Variants in SARDH observed in about 807,000 individuals in gnomAD.
The protein encoded by SARDH is sarcosine dehydrogenase, mitochondrial.
SARDH carries 95 observed loss-of-function variants against 109.1 expected under a neutral mutation model. The observed-to-expected ratio is 0.87, with a 90% confidence interval of 0.74 to 1.03. The LOEUF (loss-of-function observed/expected upper bound fraction) is 1.03. SARDH is among the 50% of genes least tolerant of loss of function. The pLI is 0.00. For missense variants in SARDH, 1,267 were observed against 1,287.8 expected (o/e 0.98, Z 0.25); for synonymous variants, 572 against 534.8 (o/e 1.07, Z -0.96).
At chr9:133,737,943 C>A (rs921596812) in intron 1 of SARDH, among the ~76,000 whole-genome samples, 1 of 152,236 alleles carries the variant, frequency 6.6e-6, no homozygotes, top group Admixed American at 6.5e-5. Flanking sequence ...CCTCGAGCAA[C>A]AACTTAACCT....
chr9:133,700,292 C>T lies in SARDH; in HGVS notation c.1668+2624G>A, dbSNP rs199673195. Among the ~76,000 whole-genome samples the T allele has an allele frequency of 6.6e-5, 10 of 152,140 alleles. No individual in the cohort carries two copies. In the East Asian group the frequency reaches 1.7e-3, roughly 26 times the overall value. ...CAGTGAGCCGAATTGCACCCCTGCACTCCAGCCTGGGGCAACAGAGCAAGA... is the reference window on the plus strand; with the variant it reads ...CAGTGAGCCGAATTGCACCCCTGCATTCCAGCCTGGGGCAACAGAGCAAGA... On this transcript the variant is annotated intron_variant, in intron 13 of 20. Transcript: ENST00000439388.
At position 133,717,218 on chromosome 9, in the gene SARDH, C is replaced by A. The variant is rs1445055684; in HGVS notation, c.1150+108G>T. 2.2e-5 allele frequency: 31 copies of A among 1,418,632 alleles called. No homozygotes were observed. In the Admixed American group the frequency reaches 5.7e-4, roughly 26 times the overall value. 87.9% of individuals were successfully genotyped at this position (1,418,632 alleles called of 1,614,324 possible). A position where few individuals can be genotyped will look rare whatever the true frequency, so the allele number is the denominator to read the frequency against. ...AGCAGCGAGAGGGACCGGGGACAGC[C>A]CTGGGTCCCCTGTGTGACACAGGCT... On this transcript the variant is annotated intron_variant, in intron 8 of 20. Transcript: ENST00000439388.
Position 133,676,857 on chromosome 9 carries a change from G to A in SARDH, c.2164-5160C>T, listed in dbSNP as rs1272022593. On this transcript the variant is annotated intron_variant, in intron 17 of 20. Coordinates refer to ENST00000439388, the MANE Select transcript of SARDH (RefSeq NM_001134707.2). ...TCCCTGCATGGAAATCACAGAAAGA[G>A]TCCGGGCGCAGTGGCTCACGCCTGC... Among the ~76,000 whole-genome samples, 3 of 152,236 alleles carry A rather than the reference G, an allele frequency of 2.0e-5. No homozygotes were observed. The East Asian group carries it at 5.8e-4, about 29-fold the overall frequency.
In SARDH at chr9:133,670,498, G is replaced by A. The variant is rs1318327441; in HGVS notation, c.2495+86C>T. On this transcript the variant is annotated intron_variant, in intron 19 of 20. Coordinates refer to ENST00000439388, the MANE Select transcript of SARDH (RefSeq NM_001134707.2). ...CACATGGGAAGTGTTGGTACCAGGGGCTTTGAGTGGGGGACCAAGAAGCGC... is the reference window on the plus strand; with the variant it reads ...CACATGGGAAGTGTTGGTACCAGGGACTTTGAGTGGGGGACCAAGAAGCGC... 22 of 1,406,688 alleles carry A rather than the reference G, an allele frequency of 1.6e-5. No homozygotes were observed. In the Admixed American group the frequency reaches 2.2e-4, roughly 14 times the overall value. 87.1% of individuals were successfully genotyped at this position (1,406,688 alleles called of 1,614,324 possible).
rs528524430 is a variant in SARDH at position 133,714,011 on chromosome 9, G to A, written c.1151-887C>T. 2.0e-5 allele frequency among the ~76,000 whole-genome samples: 3 copies of A among 152,310 alleles called. No individual in the cohort carries two copies. The South Asian group carries it at 6.2e-4, about 32-fold the overall frequency. ...ACAGACGGTCTCGTAAAGAAAATAC[G>A]ATGAACTGAGGGCCACGCGTCACTG... On this transcript the variant is annotated intron_variant, in intron 8 of 20. Coordinates refer to ENST00000439388, the MANE Select transcript of SARDH (RefSeq NM_001134707.2).
At chr9:133,734,743 C>CA (rs1390534373) in intron 1 of SARDH, among the ~76,000 whole-genome samples, 1 of 152,138 alleles carries the variant, frequency 6.6e-6, no homozygotes. Context: ...GACAGAGGAC[C>CA]AATAGCTGGA....
chr9:133,704,615 C>T lies in SARDH; in HGVS notation c.1554+333G>A, dbSNP rs1237569542. Among the ~76,000 whole-genome samples, 2 of 152,208 alleles carry T rather than the reference C, an allele frequency of 1.3e-5. No individual in the cohort carries two copies. The highest frequency in any genetic ancestry group is 4.8e-5 in the African/African-American group (2 of 41,452). On this transcript the variant is annotated intron_variant, in intron 12 of 20. Transcript: ENST00000439388. The surrounding 1 kb of genome is among the most constrained non-coding windows in gnomAD (Gnocchi z 4.5). The stretch of plus-strand genomic sequence containing the variant: ...AGGAGACGCTCCATTCCTCCTGCAA[C>T]CTGGGGGAGTCTTCTTGCTGTCTCC...
At chr9:133,698,429 T>G (rs903266341) in intron 13 of SARDH, among the ~76,000 whole-genome samples, 2 of 152,170 alleles carry the variant, frequency 1.3e-5, no homozygotes, top group South Asian at 4.1e-4. Flanking sequence ...ATCCTAAAAT[T>G]CATATGGAGA....
chr9:133,730,134 C>T lies in SARDH; in HGVS notation c.744G>A (p.Gly248=), dbSNP rs1351385567. The change falls in exon 5 of 21, where the codon GGG becomes GGA. Residue 248 remains glycine (G), a synonymous_variant. Coordinates refer to ENST00000439388, the MANE Select transcript of SARDH (RefSeq NM_001134707.2). ...TCTCCACACCCGCGACCCGCCGCACCCCAAAATCATCCGTCCACACACGAA... is the reference window on the plus strand; with the variant it reads ...TCTCCACACCCGCGACCCGCCGCACTCCAAAATCATCCGTCCACACACGAA... The part of the protein sequence containing the change: ...TGIRVWTDDF[G]VRRVAGVETQ... The T allele has an allele frequency of 1.9e-6, 3 of 1,614,228 alleles. No individual in the cohort carries two copies. The South Asian group carries it at 3.3e-5, about 18-fold the overall frequency.
intron 6 of SARDH, among the ~76,000 whole-genome samples, chr9:133,721,145 G>GA (rs1483244621): frequency 9.9e-5 from 15 of 152,144 alleles, no homozygotes; most frequent in Non-Finnish European, 2.1e-4. Context: ...TCCTCCGATT[G>GA]AAAATCACGC....
intron 13 of SARDH, among the ~76,000 whole-genome samples, chr9:133,699,769 G>C (rs926344380): frequency 6.6e-6 from 1 of 152,178 alleles, no homozygotes; most frequent in African/African-American, 2.4e-5. Flanking sequence ...CTCGCACTGT[G>C]GTGGGGAATG....
At chr9:133,689,990 C>T (rs747016196) in intron 16 of SARDH, among the ~76,000 whole-genome samples, 1 of 152,144 alleles carries the variant, frequency 6.6e-6, no homozygotes, top group African/African-American at 2.4e-5. Flanking sequence ...AGGGACCCCT[C>T]GGTATAGGAT....
intron 8 of SARDH, 134 bp downstream of exon 8, chr9:133,717,192 A>C: frequency 9.0e-7 from 1 of 1,112,940 alleles, no homozygotes; most frequent in Non-Finnish European, 1.3e-6. Context: ...TGCTGGAGCC[A>C]AGCAGCGAGA....
chr9:133,676,356 G>C (rs1448134896), intron 17 of SARDH, among the ~76,000 whole-genome samples: 1 of 152,196 alleles, frequency 6.6e-6, no homozygotes. Context: ...CAGGGGCTGG[G>C]GAGAGGGAAA....
chr9:133,732,975 G>A (rs570891117), intron 2 of SARDH, among the ~76,000 whole-genome samples: 67 of 152,318 alleles, frequency 4.4e-4, no homozygotes, highest in African/African-American at 1.5e-3. Context: ...GGTGAGTGGA[G>A]GGGGCGCCGA....
At chr9:133,680,464 GGGCCACCTGGGAGCGCGTGGCCCT>G (rs1830659817) in intron 17 of SARDH, among the ~76,000 whole-genome samples, 1 of 152,240 alleles carries the variant, frequency 6.6e-6, no homozygotes, top group African/African-American at 2.4e-5. Flanking sequence ...TCCCAGGCTG[GGGCCACCTGGGAGCGCGTGGCCCT>G]GGCCACTTTG....
At chr9:133,688,019 G>A (rs542488735) in intron 16 of SARDH, among the ~76,000 whole-genome samples, 8 of 152,082 alleles carry the variant, frequency 5.3e-5, no homozygotes, top group East Asian at 1.9e-4. Flanking sequence ...CACCTTGATC[G>A]GTCCATCTGC....
At position 133,728,278 on chromosome 9, in the gene SARDH, C is replaced by G. The variant is rs1444770509; in HGVS notation, c.915+1487G>C. On this transcript the variant is annotated intron_variant, in intron 6 of 20. Transcript: ENST00000439388. This position sits in a 1 kb window ranked among gnomAD's most constrained non-coding sequence, Gnocchi z 5.0. ...TCGCCACCCGCTTCACTACCCTGGT[C>G]TACGAAGCAGCCAAGCCTGGTACCT... Among the ~76,000 whole-genome samples the G allele has an allele frequency of 6.6e-6, 1 of 152,166 alleles. No individual in the cohort carries two copies. Among genetic ancestry groups the G allele is most frequent in the Non-Finnish European group, 1.5e-5 (1 of 68,012 alleles).
In SARDH at chr9:133,719,146, C is replaced by T. The variant is rs141888950; in HGVS notation, c.916-104G>A. On this transcript the variant is annotated intron_variant, in intron 6 of 20. Coordinates refer to ENST00000439388, the MANE Select transcript of SARDH (RefSeq NM_001134707.2). Reference sequence around the variant, plus strand: ...GCACCTCCACCCAGGGTCACGGGCTCGAGATGGTCCTTCTCGTTGTAGGAC... The same window carrying T: ...GCACCTCCACCCAGGGTCACGGGCTTGAGATGGTCCTTCTCGTTGTAGGAC... 2,424 of 883,986 alleles carry T rather than the reference C, an allele frequency of 2.7e-3. 37 individuals are homozygous for T. The African/African-American group carries it at 0.032, about 12-fold the overall frequency. 54.8% of individuals were successfully genotyped at this position (883,986 alleles called of 1,614,324 possible). A position where few individuals can be genotyped will look rare whatever the true frequency, so the allele number is the denominator to read the frequency against.
Sources: gnomAD v4.1 joint callset for allele counts (sites outside exome capture counted in the v4.1 genomes callset) on GRCh38, gnomAD v4.1.1 for gene constraint, Gnocchi (gnomAD v3.1) non-coding constraint, MANE v1.5 for transcripts, NCBI Gene and HGNC (gene_info 2026-07-23, HGNC 2026-07-21) for gene names.